MYH7B: variants seen among roughly 807,000 people sequenced by gnomAD.
MYH7B encodes myosin-7B.
Under a neutral mutation model 234.5 loss-of-function variants are expected in MYH7B, and 205 were observed. The observed-to-expected ratio is 0.87, with a 90% CI of 0.78 to 0.98. The LOEUF (loss-of-function observed/expected upper bound fraction) is 0.98. Among genes scored for constraint, MYH7B ranks in the 50% least tolerant of loss-of-function variants. The pLI, the probability that MYH7B is intolerant of heterozygous loss-of-function variation, is 0.00. For synonymous variants in MYH7B, 1,193 were observed against 1,105.0 expected, an observed-to-expected ratio of 1.08 and a Z score of -1.58; for missense variants, 2,652 against 2,633.4, an observed-to-expected ratio of 1.01 and a Z score of -0.15.
Position 34,987,294 on chromosome 20 carries a change from G to A in MYH7B, c.1147+7G>A. 1 of 1,609,640 alleles carries A rather than the reference G, an allele frequency of 6.2e-7. No homozygotes were observed. Among genetic ancestry groups the A allele is most frequent in the South Asian group, 1.1e-5 (1 of 90,980 alleles). ...GAGGCCGATGGCACTGAGAGTGAGGGGCCCTAACCTGGCCTTCAACTTGAC... is the reference window on the plus strand; with the variant it reads ...GAGGCCGATGGCACTGAGAGTGAGGAGCCCTAACCTGGCCTTCAACTTGAC... On this transcript the variant is annotated splice_region_variant and intron_variant, in intron 16 of 44. Coordinates refer to ENST00000262873, the Ensembl canonical transcript of MYH7B.
chr20:34,997,722 G>C, intron 32 of MYH7B, 82 bp downstream of exon 32: 1 of 1,528,418 alleles, frequency 6.5e-7, no homozygotes, highest in Non-Finnish European at 8.9e-7. Flanking sequence ...TCCCACACCA[G>C]CCTCCACCCA....
At chr20:34,977,738 G>GGCCCCCC in intron 4 of MYH7B, 58 bp downstream of exon 4, 1 of 317,152 alleles carries the variant, frequency 3.2e-6, no homozygotes, top group Non-Finnish European at 5.9e-6. Flanking sequence ...GGGCGGGTGG[G>GGCCCCCC]TGAGGGTGCC....
chr20:34,995,453 A>G, exon 28 of MYH7B: 1 of 1,613,726 alleles, frequency 6.2e-7, no homozygotes, highest in South Asian at 1.1e-5. Context: ...GGAGGAGGTG[A>G]ACGCTGACCT....
chr20:35,000,179 G>A (rs2082342550), intron 38 of MYH7B, 114 bp from the exon 39 acceptor site: 1 of 1,292,856 alleles, frequency 7.7e-7, no homozygotes, highest in East Asian at 2.3e-5. Flanking sequence ...CTTTAAATCG[G>A]GGAGGGGTGA....
intron 24 of MYH7B, among the ~76,000 whole-genome samples, chr20:34,992,113 C>T (rs950184092): frequency 7.2e-5 from 11 of 152,182 alleles, no homozygotes; most frequent in African/African-American, 9.6e-5. Context: ...GGGCTGGGCG[C>T]GGTGGCTAAC....
At chr20:34,962,588 C>T (rs961074362) in intron 2 of MYH7B, among the ~76,000 whole-genome samples, 4 of 152,018 alleles carry the variant, frequency 2.6e-5, no homozygotes, top group African/African-American at 9.7e-5. Context: ...TATGCATCCT[C>T]TCATATGCTC....
At chr20:35,000,929 A>G (rs1470934056) in intron 40 of MYH7B, 36 bp downstream of exon 40, 2 of 1,610,246 alleles carry the variant, frequency 1.2e-6, no homozygotes, top group East Asian at 2.2e-5. Flanking sequence ...AGCCTGGGAC[A>G]GAATTGCAGA....
intron 10 of MYH7B, 29 bp from the exon 11 acceptor site, chr20:34,984,663 C>T (rs1281055601): frequency 6.2e-7 from 1 of 1,601,436 alleles, no homozygotes; most frequent in Admixed American, 1.8e-5. Context: ...AGGCCTGGCC[C>T]TCTAATGTTG....
exon 22 of MYH7B, chr20:34,990,288 A>G (rs1003936365): frequency 6.2e-7 from 1 of 1,614,206 alleles, no homozygotes; most frequent in East Asian, 2.2e-5. Context: ...GCATCGTTCC[A>G]GACGGTGTCC....
In MYH7B at chr20:34,987,583, G is replaced by C. The variant is rs749010027; in HGVS notation, c.1174G>C (p.Gly392Arg). ...TGCTGACAAGGCTGCCTACCTGATGGGGGTCAGCAGTGGGGACCTCCTCAA... is the reference window on the plus strand; with the variant it reads ...TGCTGACAAGGCTGCCTACCTGATGCGGGTCAGCAGTGGGGACCTCCTCAA... The change falls in exon 17 of 45, where the codon GGG becomes CGG. Residue 392 changes from glycine (G) to arginine (R), a missense_variant. By Grantham distance (125) the Gly-to-Arg change is moderately radical (BLOSUM62 -2). Transcript: ENST00000262873. 9.9e-6 allele frequency: 16 copies of C among 1,613,686 alleles called. No individual in the cohort carries two copies. Among genetic ancestry groups the C allele is most frequent in the Middle Eastern group, 3.3e-4 (2 of 6,082 alleles).
chr20:34,997,150 CAGA>C lies in MYH7B; in HGVS notation c.3341_3343del (p.Lys1114del), dbSNP rs762269210. 137 of 1,549,566 alleles carry C rather than the reference CAGA, an allele frequency of 8.8e-5. No homozygotes were observed. Among genetic ancestry groups the C allele is most frequent in the Middle Eastern group, 4.2e-4 (2 of 4,780 alleles). On this transcript the variant is annotated inframe_deletion, in exon 31 of 45. Transcript: ENST00000262873. ...CGAGCAGCTCTTGGGGGCCCAGATGCAGAAGAAGATCAAGGAGCTGCAGGTGCG... is the reference window on the plus strand; with the variant it reads ...CGAGCAGCTCTTGGGGGCCCAGATGCAGAAGATCAAGGAGCTGCAGGTGCG...
At chr20:34,972,394 T>A (rs1184949286) in intron 2 of MYH7B, among the ~76,000 whole-genome samples, 1 of 152,010 alleles carries the variant, frequency 6.6e-6, no homozygotes, top group East Asian at 1.9e-4. Context: ...TGGCACTCTC[T>A]GGTCTCACCT....
chr20:34,989,951 C>A, intron 20 of MYH7B, 32 bp downstream of exon 20: 7 of 1,612,818 alleles, frequency 4.3e-6, no homozygotes, highest in Non-Finnish European at 5.9e-6. Flanking sequence ...AGCCCTCGGC[C>A]AGGCTCCTCC....
intron 19 of MYH7B, among the ~76,000 whole-genome samples, chr20:34,989,350 C>T (rs558807822): frequency 9.2e-4 from 140 of 152,274 alleles, no homozygotes; most frequent in Middle Eastern, 3.4e-3. Flanking sequence ...TTAGTGATGT[C>T]GGAGGGCCCC....
chr20:34,999,155 A>G (rs2082319300), exon 36 of MYH7B: 2 of 1,613,560 alleles, frequency 1.2e-6, no homozygotes, highest in Non-Finnish European at 1.7e-6. Context: ...GGCTACAGAC[A>G]GAGTCAGAGG....
Position 34,987,716 on chromosome 20 carries a change from C to T in MYH7B, c.1266+41C>T. The T allele has an allele frequency of 1.2e-6, 2 of 1,612,520 alleles. 1 individual carries two copies. The highest frequency in any genetic ancestry group is 2.2e-5 in the South Asian group (2 of 90,864). ...GCCAAACCCATGGGGGACAGCCGGG[C>T]AGGGTCCCCTCCTTGCCAGGTCCCA... On this transcript the variant is annotated intron_variant, in intron 17 of 44. Transcript: ENST00000262873.
At chr20:35,000,167 G>C (rs1178940377) in intron 38 of MYH7B, 126 bp from the exon 39 acceptor site, 7 of 1,222,106 alleles carry the variant, frequency 5.7e-6, no homozygotes, top group South Asian at 4.4e-5. Context: ...AGTCACAAGA[G>C]ACTTTAAATC....
intron 2 of MYH7B, among the ~76,000 whole-genome samples, chr20:34,974,325 C>T (rs1230275314): frequency 6.6e-6 from 1 of 151,666 alleles, no homozygotes; most frequent in South Asian, 2.1e-4. Flanking sequence ...CTGCCTCAGC[C>T]TCCGAAAGTG....
intron 2 of MYH7B, among the ~76,000 whole-genome samples, chr20:34,963,553 G>A (rs1056231979): frequency 6.6e-6 from 1 of 152,146 alleles, no homozygotes; most frequent in African/African-American, 2.4e-5. Context: ...TTTTTCGATA[G>A]TATCTTTTGA....
Sources: allele counts gnomAD v4.1 joint callset (sites outside exome capture counted in the v4.1 genomes callset), GRCh38; gene constraint gnomAD v4.1.1; transcripts MANE v1.5; gene names NCBI Gene and HGNC (gene_info 2026-07-23, HGNC 2026-07-21).